The following SSPN variants were observed in gnomAD, a reference collection of about 807,000 sequenced individuals.
SSPN encodes the protein K-ras oncogene-associated protein.
SSPN carries 15 observed loss-of-function variants against 19.1 expected under a neutral mutation model. That is an observed-to-expected ratio of 0.78 (90% CI 0.52 to 1.21). The LOEUF (loss-of-function observed/expected upper bound fraction) is 1.21, where lower values mean the gene tolerates loss of function less well. Among genes scored for constraint, SSPN ranks in the 50% most tolerant of loss-of-function variants. The pLI, the probability that SSPN is intolerant of heterozygous loss-of-function variation, is 0.00. For missense variants in SSPN, 291 were observed against 314.0 expected (o/e 0.93, Z 0.55); for synonymous variants, 147 against 140.3 (o/e 1.05, Z -0.34).
intron 1 of SSPN, among the ~76,000 whole-genome samples, chr12:26,181,749 G>A (rs971046481): frequency 7.9e-5 from 12 of 152,196 alleles, no homozygotes; most frequent in Non-Finnish European, 1.5e-4. Flanking sequence ...AATGCAGCAC[G>A]TTGATGCCTG....
chr12:26,201,741 G>A lies in SSPN; in HGVS notation c.279+5790G>A, dbSNP rs573997380. On this transcript the variant is annotated intron_variant, in intron 1 of 2. Transcript: ENST00000242729. ...TCATTTTGGATTTAATTTTTTGATAGAAATACTGGTACATAGAATTTTGGG... is the reference window on the plus strand; with the variant it reads ...TCATTTTGGATTTAATTTTTTGATAAAAATACTGGTACATAGAATTTTGGG... Among the ~76,000 whole-genome samples, 58 of 152,146 alleles carry A rather than the reference G, an allele frequency of 3.8e-4. 1 individual carries two copies. The highest frequency in any genetic ancestry group is 1.4e-3 in the African/African-American group (57 of 41,482).
chr12:26,124,288 T>C (rs1156871526), intron 1 of SSPN: 7 of 550,830 alleles, frequency 1.3e-5, no homozygotes, highest in African/African-American at 2.5e-5. Flanking sequence ...ACATACTATG[T>C]GATAAACTAC....
At chr12:26,140,387 A>G (rs1944453263) in intron 1 of SSPN, among the ~76,000 whole-genome samples, 2 of 152,074 alleles carry the variant, frequency 1.3e-5, no homozygotes, top group Non-Finnish European at 2.9e-5. Context: ...TGTTTCTTCT[A>G]TTCCAAAATA....
chr12:26,219,901 C>T (rs1410082189), intron 1 of SSPN, among the ~76,000 whole-genome samples: 1 of 152,136 alleles, frequency 6.6e-6, no homozygotes, highest in South Asian at 2.1e-4. Flanking sequence ...ACATAACTCC[C>T]CTTTTCCTGT....
intron 1 of SSPN, among the ~76,000 whole-genome samples, chr12:26,144,304 C>G (rs1327420326): frequency 6.6e-6 from 1 of 152,156 alleles, no homozygotes; most frequent in Non-Finnish European, 1.5e-5. Flanking sequence ...TTTACCATAG[C>G]ATAAAAATCA....
chr12:26,182,055 C>T (rs989477219), intron 1 of SSPN, among the ~76,000 whole-genome samples: 1 of 152,174 alleles, frequency 6.6e-6, no homozygotes, highest in Non-Finnish European at 1.5e-5. Flanking sequence ...GAACAATTGA[C>T]AGTTGTTTAG....
intron 1 of SSPN, among the ~76,000 whole-genome samples, chr12:26,175,246 C>T (rs545090206): frequency 2.0e-5 from 3 of 152,344 alleles, no homozygotes; most frequent in African/African-American, 7.2e-5. Context: ...TATTCCCATA[C>T]CTATGAAGTG....
chr12:26,179,490 T>A (rs949842181), intron 1 of SSPN, among the ~76,000 whole-genome samples: 1 of 152,098 alleles, frequency 6.6e-6, no homozygotes, highest in Admixed American at 6.5e-5. Context: ...AGAGGAGAAT[T>A]CAAGAGCAAG....
chr12:26,152,071 T>C (rs1329083529), intron 1 of SSPN, among the ~76,000 whole-genome samples: 2 of 152,200 alleles, frequency 1.3e-5, no homozygotes, highest in African/African-American at 4.8e-5. Context: ...TTAAGTCTAA[T>C]CTGCATTATT....
At chr12:26,128,922 C>T (rs1197280380) in intron 1 of SSPN, among the ~76,000 whole-genome samples, 1 of 152,170 alleles carries the variant, frequency 6.6e-6, no homozygotes, top group Non-Finnish European at 1.5e-5. Flanking sequence ...ATCCTAAGTC[C>T]TGCACTCATT....
chr12:26,186,103 A>G (rs141622292), intron 1 of SSPN, among the ~76,000 whole-genome samples: 1 of 152,204 alleles, frequency 6.6e-6, no homozygotes, highest in Non-Finnish European at 1.5e-5. Context: ...TTTTGCCTTA[A>G]GGGACGGCAA....
At chr12:26,123,930 G>A (rs1304357579) in intron 1 of SSPN, 2 of 757,750 alleles carry the variant, frequency 2.6e-6, no homozygotes, top group East Asian at 2.7e-5. Context: ...ACCTACTCCA[G>A]TTTGCGGGAA....
upstream of SSPN, among the ~76,000 whole-genome samples, chr12:26,194,635 C>T (rs543151067): frequency 1.8e-4 from 28 of 152,298 alleles, no homozygotes; most frequent in African/African-American, 2.4e-4. Flanking sequence ...CCGCCCACCT[C>T]GGCCTCCCAA....
At chr12:26,212,316 A>G (rs1944996894) in intron 1 of SSPN, among the ~76,000 whole-genome samples, 1 of 152,222 alleles carries the variant, frequency 6.6e-6, no homozygotes, top group South Asian at 2.1e-4. Context: ...GTTAAACATG[A>G]GCTAGACTTA....
At chr12:26,203,796 G>T (rs979882212) in intron 1 of SSPN, among the ~76,000 whole-genome samples, 3 of 152,168 alleles carry the variant, frequency 2.0e-5, no homozygotes, top group Non-Finnish European at 2.9e-5. Flanking sequence ...CAAGATCAGG[G>T]TGTCAACATG....
At chr12:26,156,600 A>C (rs1233261599) in intron 1 of SSPN, among the ~76,000 whole-genome samples, 1 of 152,204 alleles carries the variant, frequency 6.6e-6, no homozygotes, top group Non-Finnish European at 1.5e-5. Context: ...TGGAATGTTC[A>C]CTGACAGTGA....
At chr12:26,189,083 C>T (rs1412803078) in intron 1 of SSPN, among the ~76,000 whole-genome samples, 1 of 151,850 alleles carries the variant, frequency 6.6e-6, no homozygotes, top group Non-Finnish European at 1.5e-5. Context: ...TGAAGAAATT[C>T]TAACTTCACA....
At chr12:26,201,411 G>A (rs907957699) in intron 1 of SSPN, among the ~76,000 whole-genome samples, 1 of 151,774 alleles carries the variant, frequency 6.6e-6, no homozygotes, top group Non-Finnish European at 1.5e-5. Flanking sequence ...CGAATTTGGC[G>A]AAATGTTTCC....
intron 1 of SSPN, among the ~76,000 whole-genome samples, chr12:26,134,809 C>G (rs1944415874): frequency 6.7e-6 from 1 of 149,080 alleles, no homozygotes; most frequent in African/African-American, 2.4e-5. Flanking sequence ...TACTTCTTGG[C>G]TTTACCAGGC....
Sources: gnomAD v4.1 joint callset for allele counts (sites outside exome capture counted in the v4.1 genomes callset) on GRCh38, gnomAD v4.1.1 for gene constraint, MANE v1.5 for transcripts, NCBI Gene and HGNC (gene_info 2026-07-23, HGNC 2026-07-21) for gene names.